Variants in PCDH11Y observed in about 807,000 individuals in gnomAD.
PCDH11Y encodes protocadherin 11 Y-linked.
For synonymous variants in PCDH11Y, 9 were observed against 83.6 expected (o/e 0.11, Z 4.87); for missense variants, 12 against 224.8 (o/e 0.05, Z 6.05).
Position 5,032,270 on chromosome Y carries a change from A to T in PCDH11Y, c.-28+259A>T, listed in dbSNP as rs369829691. Among the ~76,000 whole-genome samples the T allele has an allele frequency of 1.3e-3, 45 of 33,572 alleles. No individual in the cohort carries two copies. The South Asian group carries it at 0.03, about 22-fold the overall frequency. The allele number at this position is 33,572 out of a possible 37,273, so 90.1% of individuals were successfully genotyped here. On this transcript the variant is annotated intron_variant, in intron 2 of 5. Coordinates refer to the PCDH11Y transcript ENST00000333703. Reference sequence around the variant, plus strand: ...ATCACACCTATTCCATATAAATAAAACTTTGAATCTATCCTGTCTACTGTT... The same window carrying T: ...ATCACACCTATTCCATATAAATAAATCTTTGAATCTATCCTGTCTACTGTT...
At chrY:5,312,046 G>C in intron 2 of PCDH11Y, among the ~76,000 whole-genome samples, 1 of 31,335 alleles carries the variant, frequency 3.2e-5, no homozygotes, top group Non-Finnish European at 7.7e-5. Context: ...GACCCTTCAC[G>C]ACTGGGCTCA....
At chrY:5,123,964 A>G in intron 2 of PCDH11Y, among the ~76,000 whole-genome samples, 1 of 33,470 alleles carries the variant, frequency 3.0e-5, no homozygotes. Flanking sequence ...CAGTATGGGA[A>G]TAATTCCTAT....
chrY:5,194,744 A>G, intron 2 of PCDH11Y, among the ~76,000 whole-genome samples: 1 of 32,806 alleles, frequency 3.0e-5, no homozygotes, highest in African/African-American at 1.2e-4. Flanking sequence ...AGCAAGATTT[A>G]CTGCGCACAG....
At chrY:5,503,168 G>A in intron 3 of PCDH11Y, among the ~76,000 whole-genome samples, 1 of 31,613 alleles carries the variant, frequency 3.2e-5, no homozygotes, top group African/African-American at 1.2e-4. Context: ...TTTAAAAAAG[G>A]GTGCTTTCTG....
At chrY:5,384,527 A>G in intron 2 of PCDH11Y, among the ~76,000 whole-genome samples, 1 of 31,459 alleles carries the variant, frequency 3.2e-5, no homozygotes, top group Non-Finnish European at 7.7e-5. Flanking sequence ...TATGTTTTAG[A>G]GTATAAAGGG....
intron 3 of PCDH11Y, among the ~76,000 whole-genome samples, chrY:5,541,751 CT>C (rs2053407374): frequency 6.7e-5 from 1 of 14,907 alleles, no homozygotes; most frequent in Non-Finnish European, 1.3e-4. Flanking sequence ...TTCTTTCTTT[CT>C]TTCTTTCTAT....
chrY:5,265,898 A>G (rs2053024951), intron 2 of PCDH11Y, among the ~76,000 whole-genome samples: 1 of 32,127 alleles, frequency 3.1e-5, no homozygotes, highest in Non-Finnish European at 7.5e-5. Context: ...TTCTTATACA[A>G]TCACCAAATC....
chrY:5,348,690 C>T, intron 2 of PCDH11Y, among the ~76,000 whole-genome samples: 2 of 33,586 alleles, frequency 6.0e-5, no homozygotes, highest in Non-Finnish European at 1.5e-4. Flanking sequence ...GTGTATAACA[C>T]TACTATCTAT....
At chrY:5,641,087 C>T in intron 4 of PCDH11Y, among the ~76,000 whole-genome samples, 1 of 30,888 alleles carries the variant, frequency 3.2e-5, no homozygotes, top group Non-Finnish European at 7.8e-5. Flanking sequence ...CTAGCTTCAG[C>T]GTTTTCTTCT....
At chrY:5,297,981 C>T in intron 2 of PCDH11Y, among the ~76,000 whole-genome samples, 1 of 33,699 alleles carries the variant, frequency 3.0e-5, no homozygotes, top group Non-Finnish European at 7.3e-5. Flanking sequence ...TGGCAATATT[C>T]GTTGCAGAAG....
chrY:5,354,430 G>A, intron 2 of PCDH11Y, among the ~76,000 whole-genome samples: 1 of 32,301 alleles, frequency 3.1e-5, no homozygotes, highest in Non-Finnish European at 7.5e-5. Flanking sequence ...AGGTCTTTCT[G>A]TACCTGTCTT....
rs1602886377 is a variant in PCDH11Y, at chrY:5,208,172, C to T, written c.3129+107465C>T. On this transcript the variant is annotated intron_variant, in intron 2 of 4. Coordinates refer to the PCDH11Y transcript ENST00000400457. ...GGAGCCAGCTGCGGGGCCCAACTCC[C>T]GTTTTTAAAACCATCAGATCTCAGG... 17 of 114,358 alleles carry T rather than the reference C, an allele frequency of 1.5e-4. No individual in the cohort carries two copies. The East Asian group carries it at 2.5e-3, about 17-fold the overall frequency. 28.5% of individuals were successfully genotyped at this position (114,358 alleles called of 400,897 possible).
intron 4 of PCDH11Y, among the ~76,000 whole-genome samples, chrY:5,643,850 C>G (rs2053524898): frequency 3.9e-5 from 1 of 25,799 alleles, no homozygotes; most frequent in Non-Finnish European, 9.1e-5. Context: ...TTTTTTTTTT[C>G]TAAGACCAAT....
At chrY:5,120,113 C>T in intron 2 of PCDH11Y, among the ~76,000 whole-genome samples, 1 of 32,468 alleles carries the variant, frequency 3.1e-5, no homozygotes, top group African/African-American at 1.2e-4. Flanking sequence ...CAGGTTTTAG[C>T]TGCATGGTCT....
chrY:5,109,192 TAGAA>T (rs2052800567), downstream of PCDH11Y, among the ~76,000 whole-genome samples: 2 of 32,974 alleles, frequency 6.1e-5, no homozygotes, highest in African/African-American at 2.4e-4. Flanking sequence ...TTAGTATTTT[TAGAA>T]AGAACTACAG....
At chrY:5,596,879 G>A in intron 4 of PCDH11Y, among the ~76,000 whole-genome samples, 2 of 23,469 alleles carry the variant, frequency 8.5e-5, no homozygotes, top group Admixed American at 9.0e-4. Flanking sequence ...ATTACATATC[G>A]ATGTGTTATA....
chrY:5,232,533 C>T (rs2052968995), intron 2 of PCDH11Y, among the ~76,000 whole-genome samples: 1 of 31,903 alleles, frequency 3.1e-5, no homozygotes, highest in African/African-American at 1.2e-4. Flanking sequence ...AGTGCCTTAT[C>T]CTGCTGTGGT....
At chrY:5,561,945 T>C in intron 3 of PCDH11Y, among the ~76,000 whole-genome samples, 1 of 33,301 alleles carries the variant, frequency 3.0e-5, no homozygotes, top group African/African-American at 1.2e-4. Context: ...AAGTAGTATA[T>C]GTGGTTTTGA....
At chrY:5,576,738 A>T in intron 3 of PCDH11Y, among the ~76,000 whole-genome samples, 1 of 33,337 alleles carries the variant, frequency 3.0e-5, no homozygotes, top group African/African-American at 1.2e-4. Flanking sequence ...TATTTCTTAA[A>T]ATATGATTTT....
Sources: allele counts gnomAD v4.1 joint callset (sites outside exome capture counted in the v4.1 genomes callset), GRCh38; gene constraint gnomAD v4.1.1; transcripts MANE v1.5; gene names NCBI Gene and HGNC (gene_info 2026-07-23, HGNC 2026-07-21).